CACNA1B: variants seen among roughly 807,000 people sequenced by gnomAD.
The protein encoded by CACNA1B is calcium voltage-gated channel subunit alpha1 B, also known as voltage-dependent N-type calcium channel subunit alpha-1B.
A neutral mutation model predicts 247.2 loss-of-function variants in CACNA1B; 70 were observed. The observed-to-expected ratio is 0.28, with a 90% CI of 0.23 to 0.35. The LOEUF is 0.35. Ranked by LOEUF, CACNA1B falls within the 10% of genes least tolerant of loss-of-function variation. The pLI is 1.00. For missense variants in CACNA1B, 2,367 were observed against 3,197.4 expected (o/e 0.74, Z 6.26); for synonymous variants, 1,231 against 1,294.4 (o/e 0.95, Z 1.05).
rs560222544 is a variant in CACNA1B, at chr9:138,082,404, C to T, written c.5094+4146C>T. On this transcript the variant is annotated intron_variant, in intron 36 of 46. Coordinates refer to ENST00000371372, the MANE Select transcript of CACNA1B (RefSeq NM_000718.4). ...CAGCCACATGGCAGAAGAGGATTTA[C>T]GGACAGAAAAAGGAATATGATGTAC... Among the ~76,000 whole-genome samples, 25 of 151,248 alleles carry T rather than the reference C, an allele frequency of 1.7e-4. 1 individual carries two copies. The highest frequency in any genetic ancestry group is 5.1e-4 in the African/African-American group (21 of 40,980).
chr9:137,903,339 T>C (rs1042249997), intron 3 of CACNA1B, among the ~76,000 whole-genome samples: 1 of 152,186 alleles, frequency 6.6e-6, no homozygotes, highest in East Asian at 1.9e-4. Flanking sequence ...TGAGCCGAGA[T>C]TGAGCCACTG....
At chr9:137,932,416 A>G (rs1957618044) in intron 6 of CACNA1B, among the ~76,000 whole-genome samples, 1 of 152,162 alleles carries the variant, frequency 6.6e-6, no homozygotes, top group Non-Finnish European at 1.5e-5. Flanking sequence ...CTAAGTAGGA[A>G]CTGGTCCCGC....
At chr9:137,916,579 G>A (rs147057104) in intron 5 of CACNA1B, among the ~76,000 whole-genome samples, 5 of 152,348 alleles carry the variant, frequency 3.3e-5, no homozygotes, top group Admixed American at 3.3e-4. Flanking sequence ...GTACATGTTC[G>A]GTTGGTTCCA....
intron 12 of CACNA1B, among the ~76,000 whole-genome samples, 163 bp downstream of exon 12, chr9:137,976,182 G>T (rs1589044122): frequency 1.3e-5 from 2 of 152,268 alleles, no homozygotes; most frequent in Admixed American, 1.3e-4. Flanking sequence ...GCAGCGGGAG[G>T]CCTGTCCTGG....
intron 36 of CACNA1B, among the ~76,000 whole-genome samples, chr9:138,081,526 C>G (rs963080421): frequency 1.4e-5 from 2 of 144,190 alleles, no homozygotes; most frequent in Non-Finnish European, 3.0e-5. Flanking sequence ...GGCAGGACTT[C>G]GTTAGGTTGG....
rs1191455754 is a variant in CACNA1B, at chr9:138,102,612, C to T, written c.5223-99C>T. On this transcript the variant is annotated intron_variant, in intron 37 of 46. Transcript: ENST00000371372. The surrounding 1 kb of genome is among the most constrained non-coding windows in gnomAD (Gnocchi z 5.4). ...GGCTCTGTTTTCTTGTCTGCTTCCT[C>T]CCTGCCCCTACCCCGCTCCCCTCCC... 1.7e-6 allele frequency: 1 copy of T among 571,890 alleles called. No homozygotes were observed. Among genetic ancestry groups the T allele is most frequent in the Non-Finnish European group, 3.1e-6 (1 of 319,134 alleles). 35.4% of individuals were successfully genotyped at this position (571,890 alleles called of 1,614,324 possible).
At chr9:138,075,982 G>C (rs1376310568) in intron 35 of CACNA1B, 72 bp downstream of exon 35, 1 of 1,031,512 alleles carries the variant, frequency 9.7e-7, no homozygotes, top group African/African-American at 1.6e-5. Context: ...GATGAAGAAG[G>C]CTGGGTGTCA....
At chr9:137,900,621 G>T (rs1957225417) in intron 3 of CACNA1B, among the ~76,000 whole-genome samples, 1 of 150,234 alleles carries the variant, frequency 6.7e-6, no homozygotes, top group South Asian at 2.1e-4. Flanking sequence ...CTGTGTCTGT[G>T]TATGTGTGTC....
intron 3 of CACNA1B, among the ~76,000 whole-genome samples, chr9:137,905,137 G>A (rs1044222351): frequency 5.3e-5 from 8 of 151,998 alleles, no homozygotes; most frequent in African/African-American, 1.9e-4. Flanking sequence ...GGTGGATCAC[G>A]AGGTCAGGAG....
Position 138,004,317 on chromosome 9 carries a change from G to T in CACNA1B, c.1975-2450G>T, listed in dbSNP as rs1364455424. ...ATCTCAGCACTGCAGGAGGCTGAGG[G>T]GGGGCTGATTGCTTGAGCCCAGGGG... On this transcript the variant is annotated intron_variant, in intron 15 of 46. Coordinates refer to ENST00000371372, the MANE Select transcript of CACNA1B (RefSeq NM_000718.4). 5.3e-5 allele frequency among the ~76,000 whole-genome samples: 8 copies of T among 152,126 alleles called. No homozygotes were observed. In the East Asian group the frequency reaches 1.5e-3, roughly 29 times the overall value.
intron 6 of CACNA1B, among the ~76,000 whole-genome samples, chr9:137,939,587 CAGG>C (rs1343973833): frequency 5.3e-5 from 8 of 151,794 alleles, no homozygotes; most frequent in African/African-American, 1.9e-4. Context: ...ATCACGAGGT[CAGG>C]AGATCGAGAC....
At chr9:137,920,788 C>T (rs1280065045) in intron 6 of CACNA1B, among the ~76,000 whole-genome samples, 2 of 152,194 alleles carry the variant, frequency 1.3e-5, no homozygotes, top group African/African-American at 4.8e-5. Context: ...ACAAACAGGC[C>T]TTGCTCATAG....
At chr9:137,906,621 T>C (rs953364720) in intron 3 of CACNA1B, among the ~76,000 whole-genome samples, 1 of 151,468 alleles carries the variant, frequency 6.6e-6, no homozygotes, top group Admixed American at 6.6e-5. Flanking sequence ...ACATACATGT[T>C]CCCCTGTATG....
chr9:138,039,780 T>C (rs372902662), intron 20 of CACNA1B, among the ~76,000 whole-genome samples: 10 of 152,158 alleles, frequency 6.6e-5, no homozygotes, highest in African/African-American at 2.4e-4. Flanking sequence ...GCTTTTGTTC[T>C]TGTTCTATAT....
chr9:138,114,477 G>A lies in CACNA1B; in HGVS notation c.5636G>A (p.Gly1879Glu). 6.4e-7 allele frequency: 1 copy of A among 1,567,438 alleles called. No individual in the cohort carries two copies. The highest frequency in any genetic ancestry group is 8.7e-7 in the Non-Finnish European group (1 of 1,151,486). ...TTRDQMQQAPGGLSQMGPVSL... is the reference protein window; with the variant it reads ...TTRDQMQQAPEGLSQMGPVSL... Reference sequence around the variant, plus strand: ...AGAGACCAGATGCAGCAGGCTCCTGGAGGCCTCTCCCAGGTAGCTGGCGGC... The same window carrying A: ...AGAGACCAGATGCAGCAGGCTCCTGAAGGCCTCTCCCAGGTAGCTGGCGGC... The change falls in exon 41 of 47, where the codon GGA (glycine) becomes GAA (glutamate). Residue 1879 changes from glycine to glutamate, a missense_variant. Transcript: ENST00000371372.
At chr9:137,911,878 A>ACTT in intron 3 of CACNA1B, among the ~76,000 whole-genome samples, 1 of 152,308 alleles carries the variant, frequency 6.6e-6, no homozygotes, top group African/African-American at 2.4e-5. Flanking sequence ...GGCATATGAG[A>ACTT]GAAGGACCGG....
In CACNA1B at chr9:138,000,138, G is replaced by T. The variant is rs533504474; in HGVS notation, c.1975-6629G>T. Among the ~76,000 whole-genome samples the T allele has an allele frequency of 1.1e-3, 155 of 146,518 alleles. 1 individual carries two copies. The highest frequency in any genetic ancestry group is 3.5e-3 in the African/African-American group (140 of 39,616). On this transcript the variant is annotated intron_variant, in intron 15 of 46. Coordinates refer to ENST00000371372, the MANE Select transcript of CACNA1B (RefSeq NM_000718.4). ...TTTTGAGATGGAGTCTCGCTCTGTC[G>T]CCCAGGCTGGAGTGCAGTGGTGCGA... is the stretch of plus-strand genomic sequence containing the variant.
At chr9:138,117,584 C>CTTCACAGA (rs926427537) in intron 42 of CACNA1B, among the ~76,000 whole-genome samples, 4 of 152,246 alleles carry the variant, frequency 2.6e-5, no homozygotes, top group African/African-American at 9.6e-5. Context: ...CCTGCTCCCA[C>CTTCACAGA]TTCACAGATC....
intron 20 of CACNA1B, among the ~76,000 whole-genome samples, chr9:138,028,023 CTTTTTTTTTTTTTTTT>C (rs541594878): frequency 0.014 from 1,362 of 98,808 alleles, 37 homozygotes; most frequent in South Asian, 0.021. Context: ...CCCCCCCAAC[CTTTTTTTTTTTTTTTT>C]TTTTTTTTTT....
Sources: gnomAD v4.1 joint callset for allele counts (sites outside exome capture counted in the v4.1 genomes callset) on GRCh38, gnomAD v4.1.1 for gene constraint, Gnocchi (gnomAD v3.1) non-coding constraint, MANE v1.5 for transcripts, NCBI Gene and HGNC (gene_info 2026-07-23, HGNC 2026-07-21) for gene names.